Variants in CLASP2 observed in about 807,000 individuals in gnomAD.
The protein encoded by CLASP2 is cytoplasmic linker associated protein 2.
CLASP2 carries 47 observed loss-of-function variants against 194.4 expected under a neutral mutation model. The ratio of observed to expected loss-of-function variants is 0.24; its 90% CI spans 0.19 to 0.31. The LOEUF (loss-of-function observed/expected upper bound fraction) is 0.31. CLASP2 is among the 10% of genes least tolerant of loss of function. The probability of loss-of-function intolerance (pLI) is 1.00; values close to 1 mark genes in which losing one functional copy is unlikely to be tolerated. For missense variants in CLASP2, 1,445 were observed against 1,823.6 expected (o/e 0.79, Z 3.78); for synonymous variants, 619 against 633.5 (o/e 0.98, Z 0.34).
At chr3:33,701,215 G>C (rs1295900052) in intron 1 of CLASP2, among the ~76,000 whole-genome samples, 1 of 152,188 alleles carries the variant, frequency 6.6e-6, no homozygotes, top group African/African-American at 2.4e-5. Context: ...AATGTATATA[G>C]AAAGGTAAAT....
intron 36 of CLASP2, among the ~76,000 whole-genome samples, chr3:33,513,907 AT>A (rs1294943686): frequency 6.6e-6 from 1 of 152,208 alleles, no homozygotes; most frequent in East Asian, 1.9e-4. Context: ...TGTCTGCAAA[AT>A]TTTTCTCCCA....
intron 1 of CLASP2, 67 bp downstream of exon 1, chr3:33,717,741 C>T: frequency 2.0e-6 from 3 of 1,510,538 alleles, no homozygotes; most frequent in Non-Finnish European, 2.7e-6. Context: ...CGGCCCGGCG[C>T]TCGCGTCCGG....
At chr3:33,673,905 T>C (rs1291898209) in intron 6 of CLASP2, among the ~76,000 whole-genome samples, 1 of 152,172 alleles carries the variant, frequency 6.6e-6, no homozygotes, top group Non-Finnish European at 1.5e-5. Flanking sequence ...ATCCTAAATA[T>C]ATATGCACCC....
intron 7 of CLASP2, among the ~76,000 whole-genome samples, chr3:33,652,366 A>G (rs1053872833): frequency 6.6e-6 from 1 of 152,226 alleles, no homozygotes; most frequent in African/African-American, 2.4e-5. Flanking sequence ...ATTAGGAAAC[A>G]TTAATCCCTA....
intron 12 of CLASP2, among the ~76,000 whole-genome samples, chr3:33,612,619 T>C (rs767617506): frequency 6.6e-6 from 1 of 152,210 alleles, no homozygotes; most frequent in South Asian, 2.1e-4. Context: ...CTTATGCCCT[T>C]CTTTAGTGAA....
At chr3:33,669,887 A>C (rs2086838830) in intron 6 of CLASP2, among the ~76,000 whole-genome samples, 1 of 152,206 alleles carries the variant, frequency 6.6e-6, no homozygotes, top group African/African-American at 2.4e-5. Context: ...AAAAGAATGA[A>C]TTAGTATGTA....
chr3:33,695,889 A>G (rs541228892), intron 2 of CLASP2, among the ~76,000 whole-genome samples: 8 of 152,340 alleles, frequency 5.3e-5, no homozygotes, highest in Admixed American at 2.0e-4. Flanking sequence ...AACATACTCT[A>G]AAGGTACATG....
At chr3:33,703,745 C>CA (rs1434678577) in intron 1 of CLASP2, among the ~76,000 whole-genome samples, 4 of 152,342 alleles carry the variant, frequency 2.6e-5, no homozygotes, top group Middle Eastern at 3.4e-3. Flanking sequence ...CTTGGCCTCC[C>CA]AAAGGGCTGG....
chr3:33,591,681 AT>A (rs1430187771), intron 21 of CLASP2, among the ~76,000 whole-genome samples: 1 of 152,206 alleles, frequency 6.6e-6, no homozygotes, highest in Non-Finnish European at 1.5e-5. Flanking sequence ...GAAATAATTA[AT>A]TTTAGCTAGA....
intron 18 of CLASP2, chr3:33,602,275 T>C (rs1314358438): frequency 1.4e-5 from 6 of 431,924 alleles, no homozygotes; most frequent in South Asian, 2.9e-5. Flanking sequence ...CAGTCCAAAA[T>C]ACCTTTGAGT....
chr3:33,538,025 C>T (rs1317199142), intron 33 of CLASP2, among the ~76,000 whole-genome samples: 1 of 152,104 alleles, frequency 6.6e-6, no homozygotes, highest in East Asian at 1.9e-4. Context: ...CCTGTAGTCC[C>T]AGCTACTCAG....
chr3:33,616,212 AATC>A (rs1476347703), intron 12 of CLASP2, among the ~76,000 whole-genome samples: 180 of 152,286 alleles, frequency 1.2e-3, no homozygotes, highest in African/African-American at 4.3e-3. Context: ...TCACACTTGT[AATC>A]CCAGCTTCTT....
intron 32 of CLASP2, among the ~76,000 whole-genome samples, chr3:33,539,729 C>T (rs1001528964): frequency 2.0e-5 from 3 of 152,048 alleles, no homozygotes; most frequent in African/African-American, 4.8e-5. Context: ...TGTTTTCATA[C>T]AATAGCAGAG....
intron 7 of CLASP2, among the ~76,000 whole-genome samples, chr3:33,647,675 G>A (rs954086728): frequency 6.6e-6 from 1 of 152,162 alleles, no homozygotes; most frequent in Non-Finnish European, 1.5e-5. Flanking sequence ...ACAAAAACAG[G>A]AGGGCAGATG....
chr3:33,581,482 G>C (rs570231235), intron 23 of CLASP2, among the ~76,000 whole-genome samples: 2 of 152,200 alleles, frequency 1.3e-5, no homozygotes, highest in African/African-American at 4.8e-5. Context: ...AAACTAGTCC[G>C]CATTTCACTT....
chr3:33,669,026 TAA>T (rs2086682859), intron 6 of CLASP2, among the ~76,000 whole-genome samples: 3 of 152,276 alleles, frequency 2.0e-5, no homozygotes, highest in African/African-American at 2.4e-5. Context: ...GAAAATCAAA[TAA>T]AGAGTTTCCT....
At chr3:33,501,834 G>T in intron 37 of CLASP2, 66 bp from the exon 38 acceptor site, 1 of 959,380 alleles carries the variant, frequency 1.0e-6, no homozygotes, top group Non-Finnish European at 1.7e-6. Context: ...TTTTTAACAG[G>T]GTCAGAAGAT....
intron 2 of CLASP2, 47 bp downstream of exon 2, chr3:33,696,808 T>C (rs752522431): frequency 6.6e-6 from 8 of 1,207,370 alleles, no homozygotes; most frequent in African/African-American, 1.5e-5. Context: ...AAAAAAGTCA[T>C]CATGTCAAAT....
chr3:33,519,185 A>G (rs1057414585), intron 34 of CLASP2, among the ~76,000 whole-genome samples: 1 of 152,204 alleles, frequency 6.6e-6, no homozygotes, highest in Non-Finnish European at 1.5e-5. Context: ...GCAGTGCTCA[A>G]GAAGTACAAA....
Sources: allele counts gnomAD v4.1 joint callset (sites outside exome capture counted in the v4.1 genomes callset), GRCh38; gene constraint gnomAD v4.1.1; transcripts MANE v1.5; gene names NCBI Gene and HGNC (gene_info 2026-07-23, HGNC 2026-07-21).